MGMT: variants seen among roughly 807,000 people sequenced by gnomAD.
The protein encoded by MGMT is O-6-methylguanine-DNA methyltransferase.
In MGMT, 14 loss-of-function variants were observed where a neutral mutation model predicts 15.9. The ratio of observed to expected loss-of-function variants is 0.88; its 90% CI spans 0.58 to 1.37. MGMT has a LOEUF of 1.37. MGMT is among the 40% of genes most tolerant of loss of function. MGMT has a pLI of 0.00. For synonymous variants in MGMT, 130 were observed against 118.2 expected (o/e 1.10, Z -0.65); for missense variants, 282 against 268.1 (o/e 1.05, Z -0.36).
At chr10:129,483,479 TG>T (rs1845379504) in intron 1 of MGMT, among the ~76,000 whole-genome samples, 1 of 152,186 alleles carries the variant, frequency 6.6e-6, no homozygotes, top group Non-Finnish European at 1.5e-5. Context: ...CATTTGTTTT[TG>T]TTTTTTGAAA....
intron 1 of MGMT, among the ~76,000 whole-genome samples, chr10:129,504,860 G>T (rs546329719): frequency 2.6e-5 from 4 of 152,124 alleles, no homozygotes; most frequent in Non-Finnish European, 5.9e-5. Context: ...GCAATTGATT[G>T]TACTGTAGTG....
At chr10:129,589,983 G>A (rs1846663532) in intron 2 of MGMT, among the ~76,000 whole-genome samples, 1 of 152,212 alleles carries the variant, frequency 6.6e-6, no homozygotes, top group Non-Finnish European at 1.5e-5. Flanking sequence ...TGGGGTGAGG[G>A]TGGGCGAGAC....
intron 2 of MGMT, among the ~76,000 whole-genome samples, chr10:129,546,750 A>T (rs1420645897): frequency 6.6e-6 from 1 of 152,184 alleles, no homozygotes; most frequent in Admixed American, 6.5e-5. Context: ...CACTGACGTC[A>T]GATCTTCTTC....
chr10:129,645,867 C>T (rs886822845), intron 2 of MGMT, among the ~76,000 whole-genome samples: 3 of 152,174 alleles, frequency 2.0e-5, no homozygotes, highest in South Asian at 2.1e-4. Context: ...GCCAGTCGGC[C>T]GAGGGCCTGT....
Position 129,575,846 on chromosome 10 carries a change from AG to A in MGMT, c.125+39473del, listed in dbSNP as rs796275145. 7.9e-4 allele frequency among the ~76,000 whole-genome samples: 120 copies of A among 152,238 alleles called. 1 individual carries two copies. The East Asian group carries it at 0.018, about 23-fold the overall frequency. On this transcript the variant is annotated intron_variant, in intron 2 of 4. Transcript: ENST00000651593. ...AAATAGACGCAATAAAAAATGACAAAGGGGATATCACCACCGATCCCACAGA... is the reference window on the plus strand; with the variant it reads ...AAATAGACGCAATAAAAAATGACAAAGGGATATCACCACCGATCCCACAGA...
chr10:129,536,134 C>A, intron 1 of MGMT, 107 bp from the exon 2 acceptor site: 2 of 1,262,200 alleles, frequency 1.6e-6, no homozygotes, highest in Non-Finnish European at 2.2e-6. Flanking sequence ...TGAGGAAGAG[C>A]TTTGGAATAT....
intron 3 of MGMT, among the ~76,000 whole-genome samples, chr10:129,751,044 G>A (rs181481761): frequency 6.0e-4 from 91 of 152,068 alleles, no homozygotes; most frequent in African/African-American, 9.9e-4. Context: ...TGGTTTTGAT[G>A]GTGGAGTAAT....
intron 2 of MGMT, among the ~76,000 whole-genome samples, chr10:129,619,570 T>G (rs1847067551): frequency 6.6e-6 from 1 of 152,154 alleles, no homozygotes; most frequent in Admixed American, 6.5e-5. Flanking sequence ...ATTGGTATTT[T>G]TTTTATTTAA....
chr10:129,716,394 CAT>C (rs1848298051), intron 3 of MGMT, among the ~76,000 whole-genome samples: 1 of 152,164 alleles, frequency 6.6e-6, no homozygotes, highest in Admixed American at 6.5e-5. Flanking sequence ...GGGAATTGTC[CAT>C]AGTCTTCCAC....
chr10:129,606,007 T>G (rs1002420970), intron 2 of MGMT, among the ~76,000 whole-genome samples: 2 of 152,190 alleles, frequency 1.3e-5, no homozygotes, highest in African/African-American at 4.8e-5. Flanking sequence ...TTGTGAGGGC[T>G]GCGCAGTGCC....
intron 2 of MGMT, among the ~76,000 whole-genome samples, chr10:129,690,432 G>A (rs372799823): frequency 1.2e-4 from 19 of 152,338 alleles, no homozygotes; most frequent in Middle Eastern, 3.4e-3. Flanking sequence ...GCATGAGTAT[G>A]TACAAAAGGC....
At chr10:129,702,264 G>A (rs1223745085) in intron 2 of MGMT, 18 of 152,218 alleles carry the variant, frequency 1.2e-4, no homozygotes, top group Non-Finnish European at 1.5e-5. Flanking sequence ...CCTTGAGCCA[G>A]GTCCACATGG....
intron 2 of MGMT, among the ~76,000 whole-genome samples, chr10:129,577,497 A>T (rs1277213312): frequency 1.3e-5 from 2 of 152,248 alleles, no homozygotes; most frequent in East Asian, 3.8e-4. Context: ...AGAAAGCTGA[A>T]ACTGGATCCC....
At chr10:129,763,243 C>G (rs1054844719) in intron 4 of MGMT, among the ~76,000 whole-genome samples, 1 of 152,142 alleles carries the variant, frequency 6.6e-6, no homozygotes, top group African/African-American at 2.4e-5. Context: ...TTATGCAGCA[C>G]ATGCTTTAAA....
intron 1 of MGMT, among the ~76,000 whole-genome samples, chr10:129,494,666 A>T (rs977768697): frequency 6.6e-6 from 1 of 152,150 alleles, no homozygotes; most frequent in Non-Finnish European, 1.5e-5. Context: ...ATTTTATTAC[A>T]TTCCAATTAA....
intron 1 of MGMT, among the ~76,000 whole-genome samples, chr10:129,526,102 C>T (rs1188819469): frequency 1.3e-5 from 2 of 152,244 alleles, no homozygotes; most frequent in African/African-American, 2.4e-5. Flanking sequence ...CCCCTGGTTA[C>T]AGCGGGGACC....
chr10:129,477,702 G>C (rs1376400380), intron 1 of MGMT, among the ~76,000 whole-genome samples: 1 of 152,216 alleles, frequency 6.6e-6, no homozygotes, highest in Admixed American at 6.5e-5. Flanking sequence ...GCTCTCACTT[G>C]CCAGCCTCCA....
chr10:129,646,212 C>G (rs1177125709), intron 2 of MGMT, among the ~76,000 whole-genome samples: 1 of 152,060 alleles, frequency 6.6e-6, no homozygotes, highest in Non-Finnish European at 1.5e-5. Flanking sequence ...CTCTGAGGCC[C>G]CACCTTGTGC....
chr10:129,534,490 G>C (rs1405464681), intron 1 of MGMT, among the ~76,000 whole-genome samples: 2 of 152,076 alleles, frequency 1.3e-5, no homozygotes, highest in African/African-American at 2.4e-5. Flanking sequence ...ATTGAATCTT[G>C]AGAGTAATGC....
Sources: allele counts gnomAD v4.1 joint callset (sites outside exome capture counted in the v4.1 genomes callset), GRCh38; gene constraint gnomAD v4.1.1; transcripts MANE v1.5; gene names NCBI Gene and HGNC (gene_info 2026-07-23, HGNC 2026-07-21).